The following GLIS3 variants were observed in gnomAD, a reference collection of about 807,000 sequenced individuals.
GLIS3 encodes zinc finger protein GLIS3.
A neutral mutation model predicts 78.6 loss-of-function variants in GLIS3; 53 were observed. That is an observed-to-expected ratio of 0.67 (90% confidence interval 0.54 to 0.85). The LOEUF (loss-of-function observed/expected upper bound fraction) is 0.85. Among genes scored for constraint, GLIS3 ranks in the 40% least tolerant of loss-of-function variants. The pLI, the probability that GLIS3 is intolerant of heterozygous loss-of-function variation, is 0.00. For missense variants in GLIS3, 1,703 were observed against 1,231.1 expected (o/e 1.38, Z -5.74); for synonymous variants, 684 against 509.9 (o/e 1.34, Z -4.60).
chr9:4,115,577 C>T (rs915253867), intron 4 of GLIS3, among the ~76,000 whole-genome samples: 1 of 152,076 alleles, frequency 6.6e-6, no homozygotes, highest in Non-Finnish European at 1.5e-5. Context: ...CTTAAGAGGA[C>T]TGCTAAACTT....
At chr9:4,468,920 C>T in the GLIS3 span, among the ~76,000 whole-genome samples, 3 of 151,756 alleles carry the variant, frequency 2.0e-5, no homozygotes, top group African/African-American at 7.3e-5. Flanking sequence ...CATATAGGCT[C>T]AAAATAAAGG....
chr9:3,996,033 A>G (rs979799835), intron 4 of GLIS3, among the ~76,000 whole-genome samples: 5 of 152,198 alleles, frequency 3.3e-5, no homozygotes, highest in African/African-American at 1.2e-4. Flanking sequence ...GTGACCTTAA[A>G]TGCAGCCTAA....
intron 2 of GLIS3, among the ~76,000 whole-genome samples, chr9:4,181,952 G>A (rs1817363781): frequency 6.6e-6 from 1 of 152,190 alleles, no homozygotes; most frequent in Non-Finnish European, 1.5e-5. Context: ...ACAGAATTGT[G>A]AGAAATAATA....
chr9:3,937,688 T>C (rs1418887614), intron 4 of GLIS3, among the ~76,000 whole-genome samples: 1 of 152,140 alleles, frequency 6.6e-6, no homozygotes, highest in East Asian at 1.9e-4. Flanking sequence ...GTCCACTAGA[T>C]CAATATGATC....
chr9:4,332,289 G>A (rs975934812), intron 2 of GLIS3, among the ~76,000 whole-genome samples: 1 of 152,110 alleles, frequency 6.6e-6, no homozygotes, highest in Non-Finnish European at 1.5e-5. Context: ...GTAGAATTGG[G>A]CTAGGTTTTG....
At chr9:3,856,247 C>T in intron 8 of GLIS3, 63 bp from the exon 9 acceptor site, 3 of 1,459,468 alleles carry the variant, frequency 2.1e-6, no homozygotes, top group Non-Finnish European at 2.8e-6. Context: ...AAGACAAACT[C>T]TCCAAAGCCA....
chr9:4,444,614 C>T, the GLIS3 span, among the ~76,000 whole-genome samples: 2 of 152,266 alleles, frequency 1.3e-5, no homozygotes, highest in South Asian at 2.1e-4. Context: ...ATAACTTTGC[C>T]GATTATCATG....
At chr9:4,021,954 C>T (rs557523687) in intron 4 of GLIS3, among the ~76,000 whole-genome samples, 2 of 152,292 alleles carry the variant, frequency 1.3e-5, no homozygotes, top group South Asian at 2.1e-4. Flanking sequence ...CAGTCACAAA[C>T]AAAACATGTT....
rs567533343 is a variant in GLIS3, at chr9:3,945,865, G to T, written c.1711-8676C>A. On this transcript the variant is annotated intron_variant, in intron 4 of 10. Transcript: ENST00000381971. ...AGAGAAAGAGACACTACAGGTCAAAGAAGGGAAGGGGGAGGAAGAAAGTAT... is the reference window on the plus strand; with the variant it reads ...AGAGAAAGAGACACTACAGGTCAAATAAGGGAAGGGGGAGGAAGAAAGTAT... 5.3e-5 allele frequency among the ~76,000 whole-genome samples: 8 copies of T among 152,276 alleles called. No homozygotes were observed. The South Asian group carries it at 1.7e-3, about 32-fold the overall frequency.
the GLIS3 span, among the ~76,000 whole-genome samples, chr9:4,480,516 T>A: frequency 6.6e-6 from 1 of 152,144 alleles, no homozygotes; most frequent in Non-Finnish European, 1.5e-5. Flanking sequence ...TTAGATATTC[T>A]AATGAAGAAA....
At chr9:3,972,246 G>C (rs556966574) in intron 4 of GLIS3, among the ~76,000 whole-genome samples, 92 of 152,260 alleles carry the variant, frequency 6.0e-4, no homozygotes, top group Middle Eastern at 3.4e-3. Flanking sequence ...GCTTAAGATG[G>C]TTCTTCTCTT....
chr9:3,845,753 A>C (rs955812441), intron 9 of GLIS3, among the ~76,000 whole-genome samples: 11 of 151,216 alleles, frequency 7.3e-5, no homozygotes, highest in Admixed American at 4.0e-4. Flanking sequence ...ACACACACCC[A>C]CACACACACA....
intron 6 of GLIS3, among the ~76,000 whole-genome samples, chr9:3,926,749 A>G (rs1012175452): frequency 1.3e-5 from 2 of 151,894 alleles, no homozygotes; most frequent in African/African-American, 2.4e-5. Flanking sequence ...CAGCCTCCCA[A>G]GTAGCTGGGA....
chr9:4,272,709 A>G (rs550447419), intron 2 of GLIS3, among the ~76,000 whole-genome samples: 1 of 152,350 alleles, frequency 6.6e-6, no homozygotes, highest in South Asian at 2.1e-4. Context: ...ACTGGCCCCA[A>G]TAAGTAATTT....
intron 4 of GLIS3, among the ~76,000 whole-genome samples, chr9:3,949,931 C>T (rs1816565757): frequency 6.6e-6 from 1 of 152,210 alleles, no homozygotes; most frequent in South Asian, 2.1e-4. Flanking sequence ...TAGACCTCTC[C>T]TCTGAATGCC....
chr9:4,395,070 C>T, the GLIS3 span, among the ~76,000 whole-genome samples: 8 of 152,308 alleles, frequency 5.3e-5, no homozygotes, highest in East Asian at 1.5e-3. Context: ...TCTAGTTATT[C>T]ATCAAGAAGT....
chr9:4,005,794 A>C (rs897727829), intron 4 of GLIS3, among the ~76,000 whole-genome samples: 2 of 152,260 alleles, frequency 1.3e-5, no homozygotes, highest in Non-Finnish European at 2.9e-5. Context: ...AATGCCATCA[A>C]AGATACTTAA....
the GLIS3 span, among the ~76,000 whole-genome samples, chr9:4,389,692 A>G: frequency 6.6e-6 from 1 of 152,328 alleles, no homozygotes; most frequent in Non-Finnish European, 1.5e-5. Flanking sequence ...CCATATTACA[A>G]AAACACCTGC....
chr9:3,999,898 T>C lies in GLIS3; in HGVS notation c.1711-62709A>G, dbSNP rs479320. ...GCAATGCAACATTTAAGTGTGGGGA[T>C]AGAAAAATAGAGAAATGGAAAAGAA... On this transcript the variant is annotated intron_variant, in intron 4 of 10. Coordinates refer to ENST00000381971, the MANE Select transcript of GLIS3 (RefSeq NM_001042413.2). 1.6e-3 allele frequency among the ~76,000 whole-genome samples: 250 copies of C among 152,046 alleles called. 1 individual carries two copies. The highest frequency in any genetic ancestry group is 5.9e-3 in the African/African-American group (243 of 41,488).
Sources: allele counts gnomAD v4.1 joint callset (sites outside exome capture counted in the v4.1 genomes callset), GRCh38; gene constraint gnomAD v4.1.1; transcripts MANE v1.5; gene names NCBI Gene and HGNC (gene_info 2026-07-23, HGNC 2026-07-21).